SPIDR: variants seen among roughly 807,000 people sequenced by gnomAD.
SPIDR encodes scaffold protein involved in DNA repair.
SPIDR carries 93 observed loss-of-function variants against 104.6 expected under a neutral mutation model. The observed-to-expected ratio is 0.89, with a 90% confidence interval of 0.75 to 1.06. SPIDR has a LOEUF of 1.06. SPIDR is among the 50% of genes least tolerant of loss of function. SPIDR has a pLI of 0.00. For synonymous variants in SPIDR, 431 were observed against 416.9 expected (o/e 1.03, Z -0.41); for missense variants, 1,154 against 1,111.2 (o/e 1.04, Z -0.55).
rs57405701 is a variant in SPIDR, at chr8:47,640,841, C to CTT, written c.1545-32917_1545-32916dup. Reference sequence around the variant, plus strand: ...TACAGGTACACACTGCCACACCCAGCTTTTTTTTTTTTTTTTTTTTTTTTT... The same window carrying CTT: ...TACAGGTACACACTGCCACACCCAGCTTTTTTTTTTTTTTTTTTTTTTTTTTT... On this transcript the variant is annotated intron_variant, in intron 10 of 19. Coordinates refer to ENST00000297423, the MANE Select transcript of SPIDR (RefSeq NM_001080394.4). Among the ~76,000 whole-genome samples, 59 of 41,294 alleles carry CTT rather than the reference C, an allele frequency of 1.4e-3. 15 individuals carry two copies. The highest frequency in any genetic ancestry group is 1.9e-3 in the Non-Finnish European group (46 of 24,164). The allele number at this position is 41,294 out of a possible 152,430, so 27.1% of individuals were successfully genotyped here.
chr8:47,526,392 G>A (rs1210532273), intron 8 of SPIDR, among the ~76,000 whole-genome samples: 2 of 152,310 alleles, frequency 1.3e-5, no homozygotes, highest in South Asian at 4.1e-4. Context: ...TAGGTGCTAA[G>A]AGAGAAATCA....
At chr8:47,592,304 T>C (rs2061122237) in intron 8 of SPIDR, 4 of 1,103,876 alleles carry the variant, frequency 3.6e-6, no homozygotes, top group Non-Finnish European at 5.6e-6. Flanking sequence ...TGTGTGCGGA[T>C]CTGCAGTGCT....
intron 6 of SPIDR, among the ~76,000 whole-genome samples, chr8:47,406,108 T>C (rs2062722348): frequency 6.6e-6 from 1 of 151,714 alleles, no homozygotes. Context: ...TTTTTTTTTC[T>C]GTAAGGTCAC....
chr8:47,518,060 T>G (rs1207535529), intron 8 of SPIDR, among the ~76,000 whole-genome samples: 1 of 152,254 alleles, frequency 6.6e-6, no homozygotes, highest in African/African-American at 2.4e-5. Context: ...ATTCTAAGGT[T>G]GTTAATACTT....
In SPIDR at chr8:47,551,879, A is replaced by G. The variant is rs530343866; in HGVS notation, c.1098-43932A>G. On this transcript the variant is annotated intron_variant, in intron 8 of 19. Coordinates refer to ENST00000297423, the MANE Select transcript of SPIDR (RefSeq NM_001080394.4). Reference sequence around the variant, plus strand: ...TGTGATGTTAGGGTGTCAATTTTAGAACTTTCCTGCTTTCTTTTATGGGCA... The same window carrying G: ...TGTGATGTTAGGGTGTCAATTTTAGGACTTTCCTGCTTTCTTTTATGGGCA... Among the ~76,000 whole-genome samples the G allele has an allele frequency of 5.3e-5, 8 of 152,198 alleles. No individual in the cohort carries two copies. In the East Asian group the frequency reaches 1.5e-3, roughly 29 times the overall value.
chr8:47,327,405 T>C (rs2047855977), intron 5 of SPIDR, among the ~76,000 whole-genome samples: 1 of 152,058 alleles, frequency 6.6e-6, no homozygotes, highest in Non-Finnish European at 1.5e-5. Flanking sequence ...TTTTTTTTTT[T>C]TTTTGAGACA....
chr8:47,629,441 C>T (rs1327716270), intron 10 of SPIDR, among the ~76,000 whole-genome samples: 1 of 152,192 alleles, frequency 6.6e-6, no homozygotes, highest in Non-Finnish European at 1.5e-5. Flanking sequence ...ATGGATGTGG[C>T]TGTGTGCCAG....
chr8:47,284,808 A>T (rs1416936701), intron 3 of SPIDR, among the ~76,000 whole-genome samples: 3 of 152,322 alleles, frequency 2.0e-5, no homozygotes, highest in East Asian at 1.9e-4. Flanking sequence ...GGTCACCTCC[A>T]CTAAAGATAC....
At chr8:47,644,300 A>T (rs1370805329) in intron 10 of SPIDR, among the ~76,000 whole-genome samples, 2 of 152,218 alleles carry the variant, frequency 1.3e-5, no homozygotes, top group Non-Finnish European at 2.9e-5. Context: ...CACAGCATAA[A>T]TCTGAACGGA....
intron 6 of SPIDR, among the ~76,000 whole-genome samples, chr8:47,403,547 C>T (rs1588239581): frequency 6.6e-6 from 1 of 152,164 alleles, no homozygotes; most frequent in East Asian, 1.9e-4. Context: ...CACAAGCATT[C>T]TTATACACCA....
chr8:47,640,932 C>T (rs1232351502), intron 10 of SPIDR, among the ~76,000 whole-genome samples: 1 of 128,624 alleles, frequency 7.8e-6, no homozygotes, highest in Non-Finnish European at 1.6e-5. Context: ...AGGCTGGTCT[C>T]GAACTCCTGA....
chr8:47,289,683 C>G (rs2039545780), intron 3 of SPIDR, among the ~76,000 whole-genome samples: 1 of 152,194 alleles, frequency 6.6e-6, no homozygotes, highest in Admixed American at 6.5e-5. Flanking sequence ...GGTACAGCCA[C>G]TCTGGAGAAC....
At chr8:47,418,761 T>C (rs1156407415) in intron 7 of SPIDR, among the ~76,000 whole-genome samples, 1 of 152,228 alleles carries the variant, frequency 6.6e-6, no homozygotes, top group Non-Finnish European at 1.5e-5. Context: ...GGGTTTGTCA[T>C]AGATAGGTCT....
intron 8 of SPIDR, among the ~76,000 whole-genome samples, chr8:47,507,911 A>G (rs912562722): frequency 6.6e-6 from 1 of 152,186 alleles, no homozygotes; most frequent in Non-Finnish European, 1.5e-5. Flanking sequence ...ATCCCAGTTC[A>G]TTGGCCACAT....
chr8:47,408,728 A>G (rs755702248), intron 7 of SPIDR, among the ~76,000 whole-genome samples: 3 of 152,242 alleles, frequency 2.0e-5, no homozygotes, highest in Non-Finnish European at 4.4e-5. Flanking sequence ...AAAAAAAGTT[A>G]GAACTAATAA....
Position 47,647,616 on chromosome 8 carries a change from AAGAGAGAGAGAGAG to A in SPIDR, c.1545-26160_1545-26147del, listed in dbSNP as rs369414271. Among the ~76,000 whole-genome samples the A allele has an allele frequency of 2.3e-4, 14 of 60,460 alleles. No homozygotes were observed. The East Asian group carries it at 3.0e-3, about 13-fold the overall frequency. 39.7% of individuals were successfully genotyped at this position (60,460 alleles called of 152,430 possible). A position where few individuals can be genotyped will look rare whatever the true frequency, so the allele number is the denominator to read the frequency against. ...GTGACAGAGTGAGACTCCATCTCGA[AAGAGAGAGAGAGAG>A]AGAGAGAGAGAGAGAGAGAGAGAGG... On this transcript the variant is annotated intron_variant, in intron 10 of 19. Transcript: ENST00000297423.
chr8:47,392,149 T>A (rs1317929831), intron 5 of SPIDR, among the ~76,000 whole-genome samples: 1 of 152,190 alleles, frequency 6.6e-6, no homozygotes, highest in Non-Finnish European at 1.5e-5. Context: ...TAAATGCTTA[T>A]ATGTTAGCAT....
intron 11 of SPIDR, among the ~76,000 whole-genome samples, chr8:47,695,671 GAA>G (rs1180144566): frequency 6.6e-6 from 1 of 152,202 alleles, no homozygotes; most frequent in Non-Finnish European, 1.5e-5. Flanking sequence ...GGTGTGCAAA[GAA>G]GACTTTCCAT....
chr8:47,703,357 C>G (rs79051003), intron 14 of SPIDR, among the ~76,000 whole-genome samples: 1 of 152,202 alleles, frequency 6.6e-6, no homozygotes, highest in East Asian at 1.9e-4. Context: ...TAGTCAAGTT[C>G]TTGATGAATT....
Sources: allele counts gnomAD v4.1 joint callset (sites outside exome capture counted in the v4.1 genomes callset), GRCh38; gene constraint gnomAD v4.1.1; transcripts MANE v1.5; gene names NCBI Gene and HGNC (gene_info 2026-07-23, HGNC 2026-07-21).